DOK3: variants seen among roughly 807,000 people sequenced by gnomAD.
DOK3 encodes the protein docking protein 3.
A neutral mutation model predicts 26.2 loss-of-function variants in DOK3; 23 were observed. The ratio of observed to expected loss-of-function variants is 0.88; its 90% CI spans 0.63 to 1.24. DOK3 has a LOEUF of 1.24. Ranked by LOEUF, DOK3 falls within the 50% of genes most tolerant of loss-of-function variation. The pLI is 0.00. For missense variants in DOK3, 619 were observed against 610.6 expected (o/e 1.01, Z -0.15); for synonymous variants, 268 against 268.2 (o/e 1.00, Z 0.01).
Position 177,504,757 on chromosome 5 carries a change from A to C in DOK3, c.631T>G (p.Phe211Val). 1 of 1,614,036 alleles carries C rather than the reference A, an allele frequency of 6.2e-7. No homozygotes were observed. Among genetic ancestry groups the C allele is most frequent in the Non-Finnish European group, 8.5e-7 (1 of 1,179,934 alleles). ...YSWPYHFLRK[F>V]GSDKGVFSFE... ...CTGCACCTCACCTTGTCGGAGCCGA[A>C]CTTGCGCAGGAAGTGGTAGGGCCAG... is the stretch of plus-strand genomic sequence containing the variant. Residue 211 changes from phenylalanine to valine, a missense_variant, in exon 5 of 6, where the codon TTC becomes GTC. Coordinates refer to ENST00000510898, the MANE Select transcript of DOK3 (RefSeq NM_001308236.3).
chr5:177,508,155 G>C, intron 3 of DOK3, 82 bp downstream of exon 3: 2 of 1,369,622 alleles, frequency 1.5e-6, no homozygotes, highest in Non-Finnish European at 1.9e-6. Context: ...GGAGCTTGCT[G>C]GGTGATGGGA....
chr5:177,503,117 G>A lies in DOK3; in HGVS notation c.*866C>T, dbSNP rs546615019. ...GGGCTGGGCAGTCAGAGCCCTGGAGGCATGACGCTTGCGTGCGTGGCTGGC... is the reference window on the plus strand; with the variant it reads ...GGGCTGGGCAGTCAGAGCCCTGGAGACATGACGCTTGCGTGCGTGGCTGGC... On this transcript the variant is annotated 3_prime_UTR_variant, in exon 6 of 6. Transcript: ENST00000510898. 2 of 1,551,528 alleles carry A rather than the reference G, an allele frequency of 1.3e-6. No individual in the cohort carries two copies. The highest frequency in any genetic ancestry group is 1.4e-5 in the African/African-American group (1 of 73,126).
rs374717616 is a variant in DOK3, at chr5:177,509,819, G to T, written c.-179C>A. ...TCACGCACCTGGTTCAGCTGGGCAC[G>T]CGCGTCTGATCGCAGTCTGGCTCCC... On this transcript the variant is annotated 5_prime_UTR_variant, in exon 1 of 6. Transcript: ENST00000510898. 6.2e-6 allele frequency: 10 copies of T among 1,611,316 alleles called. No individual in the cohort carries two copies. Among genetic ancestry groups the T allele is most frequent in the South Asian group, 5.5e-5 (5 of 90,990 alleles).
Position 177,503,763 on chromosome 5 carries a change from C to G in DOK3, c.*220G>C. The G allele has an allele frequency of 1.4e-6, 2 of 1,418,396 alleles. No homozygotes were observed. Among genetic ancestry groups the G allele is most frequent in the Non-Finnish European group, 1.8e-6 (2 of 1,091,752 alleles). The allele number at this position is 1,418,396 out of a possible 1,614,324, so 87.9% of individuals were successfully genotyped here. A position where few individuals can be genotyped will look rare whatever the true frequency, so the allele number is the denominator to read the frequency against. On this transcript the variant is annotated 3_prime_UTR_variant, in exon 6 of 6. Transcript: ENST00000510898. ...GGCAGGGGCGTGTGCCGTGAGTGCC[C>G]CTGCCGGGAGCTGCTCTGAGCTTTA...
At chr5:177,510,286 A>C, upstream of DOK3, 2 of 217,058 alleles carry the variant, frequency 9.2e-6, no homozygotes, top group Non-Finnish European at 1.9e-5. Context: ...GCGGTTGGCC[A>C]CCTCTTCCTC....
Position 177,504,597 on chromosome 5 carries a change from T to A in DOK3, c.709A>T (p.Thr237Ser), listed in dbSNP as rs1346419523. 1.2e-6 allele frequency: 2 copies of A among 1,608,622 alleles called. No individual in the cohort carries two copies. The highest frequency in any genetic ancestry group is 2.2e-5 in the East Asian group (1 of 44,756). Residue 237 changes from threonine (T) to serine (S), a missense_variant, in exon 6 of 6, where the codon ACC becomes TCC. Physicochemically the swap from Thr to Ser is moderately conservative, Grantham distance 58. Coordinates refer to ENST00000510898, the MANE Select transcript of DOK3 (RefSeq NM_001308236.3). ...HSGEGLFAFS[T>S]PCAPDLCRAV... ...CTGCACAGGTCAGGGGCACAGGGGG[T>A]GCTGAAGGCAAAGAGGCCCTCACCC...
At chr5:177,510,467 A>G (rs966599858), upstream of DOK3, 2 of 153,074 alleles carry the variant, frequency 1.3e-5, no homozygotes, top group African/African-American at 4.8e-5. Context: ...ATGTTCATTT[A>G]AAGCTTTGCT....
In DOK3 at chr5:177,503,920, C is replaced by A; in HGVS notation, c.*63G>T. 6.8e-7 allele frequency: 1 copy of A among 1,464,980 alleles called. No homozygotes were observed. The allele number at this position is 1,464,980 out of a possible 1,614,324, so 90.7% of individuals were successfully genotyped here. ...TCTGCATGGGCCCAATGTTTGCCCA[C>A]CAGCCCACCCTCCTGTCCCAGGGGG... is the stretch of plus-strand genomic sequence containing the variant. On this transcript the variant is annotated 3_prime_UTR_variant, in exon 6 of 6. Transcript: ENST00000510898.
At chr5:177,506,508 A>C (rs147195493) in intron 3 of DOK3, among the ~76,000 whole-genome samples, 7 of 142,118 alleles carry the variant, frequency 4.9e-5, no homozygotes, top group African/African-American at 1.8e-4. Context: ...TAATTTTTGT[A>C]ATTTTTTTTT....
At chr5:177,507,180 C>T (rs1362725445) in intron 3 of DOK3, among the ~76,000 whole-genome samples, 1 of 151,624 alleles carries the variant, frequency 6.6e-6, no homozygotes, top group Non-Finnish European at 1.5e-5. Context: ...TTCTTTCTTT[C>T]TTCTTTTCTT....
chr5:177,502,792 G>C lies in DOK3; in HGVS notation c.*1191C>G. On this transcript the variant is annotated 3_prime_UTR_variant, in exon 6 of 6. Transcript: ENST00000510898. ...GCAGGCACTGAGGAGGTCTGGGCTC[G>C]CCCAAGGCCGGGGACTTTGCCAGAC... 1 of 495,870 alleles carries C rather than the reference G, an allele frequency of 2.0e-6. No individual in the cohort carries two copies. The allele number at this position is 495,870 out of a possible 1,614,324, so 30.7% of individuals were successfully genotyped here. A position where few individuals can be genotyped will look rare whatever the true frequency, so the allele number is the denominator to read the frequency against.
At position 177,505,872 on chromosome 5, in the gene DOK3, G is replaced by A. The variant is rs577187823; in HGVS notation, c.373-762C>T. ...CTGCCTCAGCCTCCCAAGTAGCTGGGACTACAGGTGCCCGCCACCAGGCCT... is the reference window on the plus strand; with the variant it reads ...CTGCCTCAGCCTCCCAAGTAGCTGGAACTACAGGTGCCCGCCACCAGGCCT... On this transcript the variant is annotated intron_variant, in intron 3 of 5. Coordinates refer to ENST00000510898, the MANE Select transcript of DOK3 (RefSeq NM_001308236.3). 5.9e-5 allele frequency among the ~76,000 whole-genome samples: 9 copies of A among 152,254 alleles called. No homozygotes were observed. In the East Asian group the frequency reaches 1.2e-3, roughly 20 times the overall value.
chr5:177,504,721 C>T (rs1313109612), intron 5 of DOK3, 22 bp downstream of exon 5: 1 of 1,613,966 alleles, frequency 6.2e-7, no homozygotes, highest in South Asian at 1.1e-5. Flanking sequence ...GCCCCTCACC[C>T]TTTCCCACCC....
At position 177,502,373 on chromosome 5, in the gene DOK3, G is replaced by A. The variant is rs1759434477; in HGVS notation, c.*1610C>T. 1 of 152,378 alleles carries A rather than the reference G, an allele frequency of 6.6e-6. No individual in the cohort carries two copies. The highest frequency in any genetic ancestry group is 6.5e-5 in the Admixed American group (1 of 15,284). 9.4% of individuals were successfully genotyped at this position (152,378 alleles called of 1,614,324 possible). A position where few individuals can be genotyped will look rare whatever the true frequency, so the allele number is the denominator to read the frequency against. ...GAGGTCAAGGGAAGGTTTAAAATGTGAAATTACAGAGCATGTTTGCGTGTG... is the reference window on the plus strand; with the variant it reads ...GAGGTCAAGGGAAGGTTTAAAATGTAAAATTACAGAGCATGTTTGCGTGTG... On this transcript the variant is annotated 3_prime_UTR_variant, in exon 6 of 6. Transcript: ENST00000510898.
chr5:177,503,655 A>C lies in DOK3; in HGVS notation c.*328T>G. The C allele has an allele frequency of 7.4e-7, 1 of 1,350,714 alleles. No individual in the cohort carries two copies. The highest frequency in any genetic ancestry group is 2.7e-5 in the East Asian group (1 of 37,170). The allele number at this position is 1,350,714 out of a possible 1,614,324, so 83.7% of individuals were successfully genotyped here. A position where few individuals can be genotyped will look rare whatever the true frequency, so the allele number is the denominator to read the frequency against. On this transcript the variant is annotated 3_prime_UTR_variant, in exon 6 of 6. Transcript: ENST00000510898. Reference sequence around the variant, plus strand: ...CCGTCTGTCTGCTGCAGTGGGTTTGAGCCCACGGGTGGCAGGTAAGGCCCA... The same window carrying C: ...CCGTCTGTCTGCTGCAGTGGGTTTGCGCCCACGGGTGGCAGGTAAGGCCCA...
chr5:177,504,464 G>A lies in DOK3; in HGVS notation c.842C>T (p.Pro281Leu). ...RATSLPSLDT[P>L]GELREMPPGP... ...TGGTGGCATCTCCCGAAGCTCTCCG[G>A]GGGTGTCCAGGGAGGGCAGAGAGGT... Residue 281 changes from proline to leucine, a missense_variant, in exon 6 of 6, where the codon CCC (proline) becomes CTC (leucine). Coordinates refer to ENST00000510898, the MANE Select transcript of DOK3 (RefSeq NM_001308236.3). 1.3e-6 allele frequency: 2 copies of A among 1,582,200 alleles called. No homozygotes were observed. Among genetic ancestry groups the A allele is most frequent in the Non-Finnish European group, 1.7e-6 (2 of 1,165,678 alleles).
chr5:177,504,462 CG>C lies in DOK3; in HGVS notation c.843del (p.Gly282GlufsTer32). The C allele has an allele frequency of 1.3e-6, 2 of 1,582,084 alleles. No individual in the cohort carries two copies. Among genetic ancestry groups the C allele is most frequent in the Non-Finnish European group, 1.7e-6 (2 of 1,165,456 alleles). On this transcript the variant is annotated frameshift_variant, in exon 6 of 6. Transcript: ENST00000510898. LOFTEE classifies it low-confidence loss of function (END_TRUNC). Reference protein sequence around the residue: ...RATSLPSLDTPGELREMPPGP... With the variant: ...RATSLPSLDTXGELREMPPGP... Reference sequence around the variant, plus strand: ...CCTGGTGGCATCTCCCGAAGCTCTCCGGGGGTGTCCAGGGAGGGCAGAGAGG... The same window carrying C: ...CCTGGTGGCATCTCCCGAAGCTCTCCGGGGTGTCCAGGGAGGGCAGAGAGG...
At position 177,503,328 on chromosome 5, in the gene DOK3, G is replaced by C; in HGVS notation, c.*655C>G. The C allele has an allele frequency of 6.4e-7, 1 of 1,551,404 alleles. No homozygotes were observed. The highest frequency in any genetic ancestry group is 8.7e-7 in the Non-Finnish European group (1 of 1,146,672). On this transcript the variant is annotated 3_prime_UTR_variant, in exon 6 of 6. Coordinates refer to ENST00000510898, the MANE Select transcript of DOK3 (RefSeq NM_001308236.3). ...CAAACTCTCATCAAGGATTATGCCT[G>C]ATACGTCATCGGTTCTCTCTCCTTT...
rs776676597 is a variant in DOK3, at chr5:177,509,668, G to T, written c.-117-11C>A. On this transcript the variant is annotated splice_polypyrimidine_tract_variant and intron_variant, in intron 1 of 5. Transcript: ENST00000510898. ...TCCGTCTAGAGACAGCTGCAGGCCG[G>T]GGGGAGGGGAGCCTGTCTTCAGCTC... 9 of 1,591,196 alleles carry T rather than the reference G, an allele frequency of 5.7e-6. No individual in the cohort carries two copies. Among genetic ancestry groups the T allele is most frequent in the East Asian group, 2.2e-5 (1 of 44,552 alleles).
Sources: allele counts gnomAD v4.1 joint callset (sites outside exome capture counted in the v4.1 genomes callset), GRCh38; gene constraint gnomAD v4.1.1; transcripts MANE v1.5; gene names NCBI Gene and HGNC (gene_info 2026-07-23, HGNC 2026-07-21).